FARSB: variants seen among roughly 807,000 people sequenced by gnomAD.
FARSB encodes phenylalanine--tRNA ligase beta subunit.
In FARSB, 40 loss-of-function variants were observed where a neutral mutation model predicts 69.6. That is an observed-to-expected ratio of 0.57 (90% CI 0.45 to 0.75). FARSB has a LOEUF of 0.75. Ranked by LOEUF, FARSB falls within the 30% of genes least tolerant of loss-of-function variation. The pLI, the probability that FARSB is intolerant of heterozygous loss-of-function variation, is 0.00. For synonymous variants in FARSB, 235 were observed against 247.2 expected, an observed-to-expected ratio of 0.95 and a Z score of 0.46; for missense variants, 632 against 722.9, an observed-to-expected ratio of 0.87 and a Z score of 1.44.
At chr2:222,590,548 CAA>C (rs377051875) in intron 16 of FARSB, among the ~76,000 whole-genome samples, 38,950 of 113,762 alleles carry the variant, frequency 0.34, 5,698 homozygotes, top group Middle Eastern at 0.44. Context: ...CCTTTTAGGC[CAA>C]AAAAAAAAAA....
At chr2:222,581,730 G>T (rs1689973893) in intron 16 of FARSB, among the ~76,000 whole-genome samples, 1 of 152,188 alleles carries the variant, frequency 6.6e-6, no homozygotes, top group Admixed American at 6.5e-5. Context: ...TACATAGAAG[G>T]TTCCTAAAAC....
chr2:222,652,932 C>G (rs1692075207), intron 1 of FARSB, among the ~76,000 whole-genome samples: 2 of 152,150 alleles, frequency 1.3e-5, no homozygotes, highest in Admixed American at 6.5e-5. Context: ...TTCCTTTCAG[C>G]TGTTATTTCA....
chr2:222,595,429 T>C (rs1574919767), intron 16 of FARSB, among the ~76,000 whole-genome samples: 1 of 152,168 alleles, frequency 6.6e-6, no homozygotes, highest in African/African-American at 2.4e-5. Context: ...CTCCAGGTCA[T>C]TAGGTATTAC....
chr2:222,590,331 C>A (rs1690235381), intron 16 of FARSB, among the ~76,000 whole-genome samples: 1 of 151,490 alleles, frequency 6.6e-6, no homozygotes, highest in South Asian at 2.1e-4. Context: ...CAGTTGGACA[C>A]AGGAAGTGGA....
chr2:222,597,913 T>C (rs1278634599), intron 16 of FARSB, among the ~76,000 whole-genome samples: 1 of 152,204 alleles, frequency 6.6e-6, no homozygotes, highest in Non-Finnish European at 1.5e-5. Context: ...TTTAATGCTT[T>C]TCTCCTAACT....
chr2:222,648,602 C>G, intron 2 of FARSB, 138 bp downstream of exon 2: 1 of 688,228 alleles, frequency 1.5e-6, no homozygotes, highest in South Asian at 1.7e-5. Context: ...GCTTAGCCCT[C>G]TGAACACAGA....
intron 16 of FARSB, among the ~76,000 whole-genome samples, chr2:222,593,036 T>C (rs1690318119): frequency 1.3e-5 from 2 of 152,112 alleles, no homozygotes; most frequent in Admixed American, 1.3e-4. Context: ...AAACGTATCA[T>C]ATATATAGTG....
chr2:222,592,568 T>G (rs1473145449), intron 16 of FARSB, among the ~76,000 whole-genome samples: 1 of 151,588 alleles, frequency 6.6e-6, no homozygotes, highest in African/African-American at 2.4e-5. Flanking sequence ...CCTTTGAACT[T>G]TCAGGACCCG....
intron 15 of FARSB, among the ~76,000 whole-genome samples, chr2:222,601,007 A>G (rs1338389161): frequency 6.6e-6 from 1 of 152,230 alleles, no homozygotes; most frequent in African/African-American, 2.4e-5. Context: ...TGCTAAATTA[A>G]ATAAGCCACT....
At position 222,566,911 on chromosome 2, in the gene FARSB, A is replaced by G. The variant is rs1689645920; in HGVS notation, c.*4960T>C. On this transcript the variant is annotated 3_prime_UTR_variant, in exon 17 of 17. Transcript: ENST00000281828. ...ACTATAGGCTGGGTGGCTTCAATAA[A>G]AGAATTTTATTTCTCACAGTTCTGG... 1 of 152,222 alleles carries G rather than the reference A, an allele frequency of 6.6e-6. No homozygotes were observed. Among genetic ancestry groups the G allele is most frequent in the Non-Finnish European group, 1.5e-5 (1 of 68,046 alleles). The allele number at this position is 152,222 out of a possible 1,614,324, so 9.4% of individuals were successfully genotyped here. A position where few individuals can be genotyped will look rare whatever the true frequency, so the allele number is the denominator to read the frequency against.
chr2:222,634,514 G>A lies in FARSB; in HGVS notation c.483C>T (p.Thr161=), dbSNP rs780689290. 5 of 1,612,758 alleles carry A rather than the reference G, an allele frequency of 3.1e-6. No homozygotes were observed. The African/African-American group carries it at 6.7e-5, about 22-fold the overall frequency. Reference sequence around the variant, plus strand: ...GGCCCGACAAAGTGTCCAAATCATGGGTACCAATGGCAACCAGTGCTCTTT... The same window carrying A: ...GGCCCGACAAAGTGTCCAAATCATGAGTACCAATGGCAACCAGTGCTCTTT... The part of the protein sequence containing the change: ...CRKRALVAIG[T]HDLDTLSGPF... Residue 161 remains threonine (T), a synonymous_variant, in exon 6 of 17, where the codon ACC becomes ACT. Coordinates refer to ENST00000281828, the MANE Select transcript of FARSB (RefSeq NM_005687.5).
intron 8 of FARSB, among the ~76,000 whole-genome samples, chr2:222,630,799 G>T (rs1001242660): frequency 1.3e-5 from 2 of 151,998 alleles, no homozygotes; most frequent in Non-Finnish European, 2.9e-5. Context: ...GTAAATGCAC[G>T]AATTAAATTT....
At position 222,631,663 on chromosome 2, in the gene FARSB, T is replaced by C; in HGVS notation, c.727A>G (p.Arg243Gly). ...MPPIINGDHS[R>G]ITVNTRNIFI... is the part of the protein sequence containing the mutation. ...ATATTTCTAGTATTTACTGTTATTC[T>C]GGAATGATCCCCTGCAATGAACACA... The change falls in exon 8 of 17, where the codon AGA (arginine) becomes GGA (glycine). Residue 243 changes from arginine (R) to glycine (G), a missense_variant. Coordinates refer to ENST00000281828, the MANE Select transcript of FARSB (RefSeq NM_005687.5). 6.4e-7 allele frequency: 1 copy of C among 1,556,906 alleles called. No individual in the cohort carries two copies. Among genetic ancestry groups the C allele is most frequent in the Non-Finnish European group, 8.9e-7 (1 of 1,128,402 alleles).
intron 1 of FARSB, 65 bp downstream of exon 1, chr2:222,655,951 C>A (rs1692162874): frequency 1.5e-6 from 2 of 1,340,284 alleles, no homozygotes; most frequent in African/African-American, 1.5e-5. Context: ...CCACATTGCC[C>A]TTTTGGAGGG....
chr2:222,580,557 T>C (rs1209054203), intron 16 of FARSB, among the ~76,000 whole-genome samples: 1 of 152,036 alleles, frequency 6.6e-6, no homozygotes, highest in East Asian at 1.9e-4. Flanking sequence ...GCTCCTTATA[T>C]AGCAAAATGT....
chr2:222,571,676 C>A lies in FARSB; in HGVS notation c.*195G>T. On this transcript the variant is annotated 3_prime_UTR_variant, in exon 17 of 17. Transcript: ENST00000281828. ...CCAACAATGCAGCTTCACACACAGA[C>A]ACCACACTGGTATATGGCACAAGCT... 1.9e-6 allele frequency: 1 copy of A among 523,318 alleles called. No individual in the cohort carries two copies. 32.4% of individuals were successfully genotyped at this position (523,318 alleles called of 1,614,324 possible). A position where few individuals can be genotyped will look rare whatever the true frequency, so the allele number is the denominator to read the frequency against.
At chr2:222,607,287 ATTCTAG>A (rs1690724948) in intron 15 of FARSB, among the ~76,000 whole-genome samples, 1 of 152,238 alleles carries the variant, frequency 6.6e-6, no homozygotes, top group Admixed American at 6.5e-5. Context: ...GGAATGATCA[ATTCTAG>A]TTCTAAAAAT....
At chr2:222,628,512 T>A (rs1201124288) in intron 10 of FARSB, among the ~76,000 whole-genome samples, 1 of 152,242 alleles carries the variant, frequency 6.6e-6, no homozygotes, top group Non-Finnish European at 1.5e-5. Flanking sequence ...ATAGGAATTA[T>A]GACCACACAA....
intron 16 of FARSB, among the ~76,000 whole-genome samples, chr2:222,580,824 T>A (rs1330316997): frequency 6.6e-6 from 1 of 152,016 alleles, no homozygotes; most frequent in Non-Finnish European, 1.5e-5. Flanking sequence ...GAAACCTTTA[T>A]CTCCTGAAAG....
Sources: gnomAD v4.1 joint callset for allele counts (sites outside exome capture counted in the v4.1 genomes callset) on GRCh38, gnomAD v4.1.1 for gene constraint, MANE v1.5 for transcripts, NCBI Gene and HGNC (gene_info 2026-07-23, HGNC 2026-07-21) for gene names.